Variants in VWC2L observed in about 807,000 individuals in gnomAD.
The protein encoded by VWC2L is von Willebrand factor C domain-containing protein 2-like.
VWC2L carries 10 observed loss-of-function variants against 21.6 expected under a neutral mutation model. The ratio of observed to expected loss-of-function variants is 0.46; its 90% CI spans 0.29 to 0.78. The LOEUF is 0.78. VWC2L is among the 30% of genes least tolerant of loss of function. The pLI is 0.10. For synonymous variants in VWC2L, 96 were observed against 94.3 expected (o/e 1.02, Z -0.10); for missense variants, 209 against 277.1 (o/e 0.75, Z 1.74).
chr2:214,438,357 A>C (rs1702712996), intron 3 of VWC2L, among the ~76,000 whole-genome samples: 1 of 151,866 alleles, frequency 6.6e-6, no homozygotes, highest in Non-Finnish European at 1.5e-5. Flanking sequence ...ATCTTTAAAA[A>C]CTGGATTGAC....
intron 3 of VWC2L, chr2:214,473,886 C>T (rs1371583806): frequency 6.6e-6 from 1 of 152,008 alleles, no homozygotes; most frequent in Admixed American, 6.6e-5. Context: ...GAGGGCCAAT[C>T]TGTGTCTATG....
At chr2:214,416,108 G>A (rs187622482) in intron 2 of VWC2L, among the ~76,000 whole-genome samples, 8 of 152,094 alleles carry the variant, frequency 5.3e-5, no homozygotes, top group African/African-American at 1.9e-4. Context: ...ATACAAAAGG[G>A]TATTGTAGGA....
chr2:214,508,765 C>T (rs1425741826), intron 3 of VWC2L, among the ~76,000 whole-genome samples: 5 of 152,072 alleles, frequency 3.3e-5, no homozygotes, highest in Non-Finnish European at 5.9e-5. Context: ...TATTCTTTTT[C>T]AATGAAGATT....
intron 3 of VWC2L, among the ~76,000 whole-genome samples, chr2:214,518,056 C>T (rs570477355): frequency 3.3e-5 from 5 of 152,180 alleles, no homozygotes; most frequent in African/African-American, 1.2e-4. Flanking sequence ...GTCCCAGCTA[C>T]TTGGGAGACT....
chr2:214,432,505 G>A (rs1448207833), intron 2 of VWC2L, among the ~76,000 whole-genome samples: 4 of 152,130 alleles, frequency 2.6e-5, no homozygotes, highest in East Asian at 3.9e-4. Context: ...AAATGGGTTC[G>A]TTGCTTTTCA....
chr2:214,471,389 T>C (rs1703307813), intron 3 of VWC2L, among the ~76,000 whole-genome samples: 1 of 152,210 alleles, frequency 6.6e-6, no homozygotes, highest in South Asian at 2.1e-4. Context: ...AAAGTACAAC[T>C]GTTTTATGCA....
intron 3 of VWC2L, among the ~76,000 whole-genome samples, chr2:214,536,100 T>C (rs1339429692): frequency 6.6e-6 from 1 of 152,152 alleles, no homozygotes; most frequent in African/African-American, 2.4e-5. Context: ...TGCTCACCAT[T>C]AGAGCCCCCA....
intron 3 of VWC2L, among the ~76,000 whole-genome samples, chr2:214,491,303 G>T (rs1688742684): frequency 6.6e-6 from 1 of 152,142 alleles, no homozygotes; most frequent in Non-Finnish European, 1.5e-5. Flanking sequence ...CAACAAGTTG[G>T]GAGAAAAATC....
intron 3 of VWC2L, among the ~76,000 whole-genome samples, chr2:214,472,951 T>C (rs140817975): frequency 1.3e-5 from 2 of 152,308 alleles, no homozygotes; most frequent in African/African-American, 4.8e-5. Flanking sequence ...GTAATCACCA[T>C]TTTTGAATGA....
intron 3 of VWC2L, among the ~76,000 whole-genome samples, chr2:214,569,792 G>C (rs1690123059): frequency 6.6e-6 from 1 of 152,102 alleles, no homozygotes; most frequent in Non-Finnish European, 1.5e-5. Context: ...CCACAGCTCT[G>C]TGATCCTCTC....
intron 3 of VWC2L, among the ~76,000 whole-genome samples, chr2:214,519,165 C>G (rs1043936744): frequency 1.3e-5 from 2 of 152,200 alleles, no homozygotes; most frequent in Non-Finnish European, 2.9e-5. Context: ...CGCAGAGATT[C>G]ATGTGTTCCT....
chr2:214,546,730 T>C (rs191767288), intron 3 of VWC2L, among the ~76,000 whole-genome samples: 1 of 152,188 alleles, frequency 6.6e-6, no homozygotes, highest in Admixed American at 6.6e-5. Context: ...TAGAAAATTG[T>C]TTTTAGCAAA....
intron 3 of VWC2L, among the ~76,000 whole-genome samples, chr2:214,570,532 T>C (rs1399022282): frequency 6.6e-6 from 1 of 151,916 alleles, no homozygotes; most frequent in Non-Finnish European, 1.5e-5. Flanking sequence ...CCCAGCTAAT[T>C]CTTTGCATTT....
intron 3 of VWC2L, among the ~76,000 whole-genome samples, chr2:214,517,865 T>C (rs1689169413): frequency 2.0e-5 from 3 of 152,102 alleles, no homozygotes; most frequent in African/African-American, 7.2e-5. Context: ...AGATAACAAT[T>C]AAAAGAATTA....
rs1702319168 is a variant in VWC2L at position 214,414,198 on chromosome 2, C to A, written c.5C>A (p.Ala2Asp). 1 of 1,609,842 alleles carries A rather than the reference C, an allele frequency of 6.2e-7. No homozygotes were observed. Among genetic ancestry groups the A allele is most frequent in the Non-Finnish European group, 8.5e-7 (1 of 1,178,914 alleles). Residue 2 changes from alanine (A) to aspartate (D), a missense_variant, in exon 2 of 4, where the codon GCT becomes GAT. By Grantham distance (126) the Ala-to-Asp change is moderately radical. Transcript: ENST00000312504. ...CAGAAGTCTTTGAAGAGGGGGATGGCTCTTCATATTCATGAAGCTTGCATA... is the reference window on the plus strand; with the variant it reads ...CAGAAGTCTTTGAAGAGGGGGATGGATCTTCATATTCATGAAGCTTGCATA... M[A>D]LHIHEACILL...
chr2:214,451,349 A>G (rs767531975), intron 3 of VWC2L, among the ~76,000 whole-genome samples: 20 of 151,280 alleles, frequency 1.3e-4, no homozygotes, highest in Non-Finnish European at 2.5e-4. Context: ...TTGTCATCCA[A>G]TGACTACCTG....
chr2:214,562,079 G>A (rs1244571627), intron 3 of VWC2L, among the ~76,000 whole-genome samples: 1 of 151,866 alleles, frequency 6.6e-6, no homozygotes, highest in Non-Finnish European at 1.5e-5. Flanking sequence ...ATGATTTGCT[G>A]CACCTATCAA....
chr2:214,540,514 C>T (rs548583765), intron 3 of VWC2L, among the ~76,000 whole-genome samples: 1 of 152,278 alleles, frequency 6.6e-6, no homozygotes, highest in African/African-American at 2.4e-5. Flanking sequence ...TTGCATACAG[C>T]GGTTATATAC....
Position 214,524,380 on chromosome 2 carries a change from G to C in VWC2L, c.521-51292G>C, listed in dbSNP as rs1359910672. Among the ~76,000 whole-genome samples, 5 of 152,204 alleles carry C rather than the reference G, an allele frequency of 3.3e-5. No individual in the cohort carries two copies. In the South Asian group the frequency reaches 1.0e-3, roughly 32 times the overall value. On this transcript the variant is annotated intron_variant, in intron 3 of 3. Coordinates refer to ENST00000312504, the MANE Select transcript of VWC2L (RefSeq NM_001080500.4). ...CTGTTTCCGGTCATTCTTTTTCTAA[G>C]AGTTTCTACCCTCAGTAAAATTTGT... is the stretch of plus-strand genomic sequence containing the variant.
Sources: gnomAD v4.1 joint callset for allele counts (sites outside exome capture counted in the v4.1 genomes callset) on GRCh38, gnomAD v4.1.1 for gene constraint, MANE v1.5 for transcripts, NCBI Gene and HGNC (gene_info 2026-07-23, HGNC 2026-07-21) for gene names.